CABP7: variants seen among roughly 807,000 people sequenced by gnomAD.
CABP7 encodes the protein calcium binding protein 7.
A neutral mutation model predicts 23.1 loss-of-function variants in CABP7; 13 were observed. That is an observed-to-expected ratio of 0.56 (90% confidence interval 0.37 to 0.90). The LOEUF (loss-of-function observed/expected upper bound fraction) is 0.90, where lower values mean the gene tolerates loss of function less well. Ranked by LOEUF, CABP7 falls within the 40% of genes least tolerant of loss-of-function variation. The pLI, the probability that CABP7 is intolerant of heterozygous loss-of-function variation, is 0.01. For missense variants in CABP7, 248 were observed against 295.6 expected, an observed-to-expected ratio of 0.84 and a Z score of 1.18; for synonymous variants, 123 against 115.3, an observed-to-expected ratio of 1.07 and a Z score of -0.43.
intron 1 of CABP7, among the ~76,000 whole-genome samples, chr22:29,721,515 A>T (rs915896850): frequency 6.6e-6 from 1 of 152,014 alleles, no homozygotes; most frequent in Non-Finnish European, 1.5e-5. Flanking sequence ...GAGCTCACCC[A>T]GAGGATGGGC....
intron 1 of CABP7, among the ~76,000 whole-genome samples, chr22:29,721,613 G>A (rs1341765108): frequency 6.6e-6 from 1 of 152,180 alleles, no homozygotes; most frequent in Non-Finnish European, 1.5e-5. Context: ...GCACAGTCAG[G>A]GAGGATGGTG....
rs139894139 is a variant in CABP7, at chr22:29,729,043, CCCCT to C, written c.367-9_367-6del. ...GTGGCTCTCAGAGCACCGTGTTGTC[CCCCT>C]CCGCAAGTGCGACATGCAGAAGCTG... is the stretch of plus-strand genomic sequence containing the variant. On this transcript the variant is annotated splice_region_variant and splice_polypyrimidine_tract_variant and intron_variant, in intron 3 of 4. Coordinates refer to ENST00000216144, the MANE Select transcript of CABP7 (RefSeq NM_182527.3). The C allele has an allele frequency of 2.8e-3, 4,567 of 1,608,850 alleles. 112 individuals are homozygous for C. The African/African-American group carries it at 0.056, about 20-fold the overall frequency.
At chr22:29,721,851 A>G (rs981812140) in intron 1 of CABP7, among the ~76,000 whole-genome samples, 2 of 152,126 alleles carry the variant, frequency 1.3e-5, no homozygotes, top group Non-Finnish European at 2.9e-5. Context: ...TCTGATGCGG[A>G]CAGGACAGAT....
At chr22:29,724,094 G>A (rs958022328) in intron 1 of CABP7, among the ~76,000 whole-genome samples, 71 of 152,324 alleles carry the variant, frequency 4.7e-4, no homozygotes, top group African/African-American at 1.7e-3. Flanking sequence ...CAAGGCTTTC[G>A]GGGAAATGCA....
rs1009724743 is a variant in CABP7 at position 29,729,264 on chromosome 22, C to T, written c.520+56C>T. On this transcript the variant is annotated intron_variant, in intron 4 of 4. Coordinates refer to ENST00000216144, the MANE Select transcript of CABP7 (RefSeq NM_182527.3). The stretch of plus-strand genomic sequence containing the variant: ...GGGCCCAGTGACTTGGCCAGGGGGA[C>T]GCACGGGGTGGGGAGAGTCTGCAGA... 16 of 1,575,804 alleles carry T rather than the reference C, an allele frequency of 1.0e-5. No homozygotes were observed. In the Admixed American group the frequency reaches 1.1e-4, roughly 11 times the overall value.
intron 1 of CABP7, among the ~76,000 whole-genome samples, chr22:29,722,752 C>G (rs2067770244): frequency 6.6e-6 from 1 of 152,260 alleles, no homozygotes; most frequent in Admixed American, 6.5e-5. Flanking sequence ...GCGGTCTGGG[C>G]GAGACCCAGG....
rs1015117116 is a variant in CABP7, at chr22:29,731,091, C to G, written c.*1522C>G. The G allele has an allele frequency of 3.6e-5, 36 of 992,876 alleles. No homozygotes were observed. The highest frequency in any genetic ancestry group is 6.8e-5 in the African/African-American group (4 of 59,128). 61.5% of individuals were successfully genotyped at this position (992,876 alleles called of 1,614,324 possible). On this transcript the variant is annotated 3_prime_UTR_variant, in exon 5 of 5. Coordinates refer to ENST00000216144, the MANE Select transcript of CABP7 (RefSeq NM_182527.3). Reference sequence around the variant, plus strand: ...AGGACGAGGGCTGCACTTGGTGTGGCCGTGTCCTGAGCCTCAGTGAGGCTG... The same window carrying G: ...AGGACGAGGGCTGCACTTGGTGTGGGCGTGTCCTGAGCCTCAGTGAGGCTG...
At position 29,729,194 on chromosome 22, in the gene CABP7, C is replaced by T. The variant is rs764090242; in HGVS notation, c.506C>T (p.Pro169Leu). 6.2e-6 allele frequency: 10 copies of T among 1,608,204 alleles called. No individual in the cohort carries two copies. The highest frequency in any genetic ancestry group is 3.4e-5 in the Admixed American group (2 of 59,490). Residue 169 changes from proline (P) to leucine (L), a missense_variant, in exon 4 of 5, where the codon CCC (proline) becomes CTC (leucine). Coordinates refer to ENST00000216144, the MANE Select transcript of CABP7 (RefSeq NM_182527.3). ...ESHLGTAEEC[P>L]VDVETCSNQQ... Reference sequence around the variant, plus strand: ...CACCTGGGCACAGCCGAGGAGTGTCCCGTGGATGTGGAGAGTGAGTGGCTG... The same window carrying T: ...CACCTGGGCACAGCCGAGGAGTGTCTCGTGGATGTGGAGAGTGAGTGGCTG...
intron 1 of CABP7, among the ~76,000 whole-genome samples, chr22:29,725,787 G>A (rs1466506047): frequency 6.6e-6 from 1 of 152,200 alleles, no homozygotes; most frequent in Non-Finnish European, 1.5e-5. Flanking sequence ...AGGACCGAGA[G>A]GGCCCCTAGC....
Position 29,720,923 on chromosome 22 carries a change from C to G in CABP7, c.109+390C>G, listed in dbSNP as rs944215556. 2.0e-5 allele frequency among the ~76,000 whole-genome samples: 3 copies of G among 151,928 alleles called. No individual in the cohort carries two copies. The highest frequency in any genetic ancestry group is 4.4e-5 in the Non-Finnish European group (3 of 67,926). Reference sequence around the variant, plus strand: ...CGCATCCTGATCCCCTCCGCGGCGCCCGCCCGCGGCTCTCTGCTCGCATTG... The same window carrying G: ...CGCATCCTGATCCCCTCCGCGGCGCGCGCCCGCGGCTCTCTGCTCGCATTG... On this transcript the variant is annotated intron_variant, in intron 1 of 4. Transcript: ENST00000216144. The surrounding 1 kb of genome is among the most constrained non-coding windows in gnomAD (Gnocchi z 5.2).
chr22:29,721,230 G>A (rs1010701014), intron 1 of CABP7, among the ~76,000 whole-genome samples: 1 of 152,170 alleles, frequency 6.6e-6, no homozygotes, highest in Non-Finnish European at 1.5e-5. Context: ...CCCCCACCCC[G>A]TTCCCCCTGC....
Position 29,720,429 on chromosome 22 carries a change from C to A in CABP7, c.5C>A (p.Pro2Gln). 1 of 1,532,812 alleles carries A rather than the reference C, an allele frequency of 6.5e-7. No homozygotes were observed. Among genetic ancestry groups the A allele is most frequent in the South Asian group, 1.2e-5 (1 of 83,728 alleles). 95.0% of individuals were successfully genotyped at this position (1,532,812 alleles called of 1,614,324 possible). ...GGCGGGCGCGGAGCCTCCAAGATGC[C>A]GTTCCACCCGGTGACGGCGGCGTTG... M[P>Q]FHPVTAALMY... Residue 2 changes from proline (P) to glutamine (Q), a missense_variant, in exon 1 of 5, where the codon CCG becomes CAG. By Grantham distance (76) the Pro-to-Gln change is moderately conservative. Coordinates refer to ENST00000216144, the MANE Select transcript of CABP7 (RefSeq NM_182527.3). This position sits in a 1 kb window ranked among gnomAD's most constrained non-coding sequence, Gnocchi z 5.2.
At position 29,720,629 on chromosome 22, in the gene CABP7, G is replaced by T; in HGVS notation, c.109+96G>T. The T allele has an allele frequency of 1.5e-6, 1 of 662,834 alleles. No individual in the cohort carries two copies. Among genetic ancestry groups the T allele is most frequent in the East Asian group, 3.7e-5 (1 of 26,820 alleles). 41.1% of individuals were successfully genotyped at this position (662,834 alleles called of 1,614,324 possible). A position where few individuals can be genotyped will look rare whatever the true frequency, so the allele number is the denominator to read the frequency against. On this transcript the variant is annotated intron_variant, in intron 1 of 4. Coordinates refer to ENST00000216144, the MANE Select transcript of CABP7 (RefSeq NM_182527.3). The surrounding 1 kb of genome is among the most constrained non-coding windows in gnomAD (Gnocchi z 5.2). ...GGCGCGGGGGCGGGGGGCGGGGGGC[G>T]GTCCGCAGGTGCCGGTTGCCAGGTG...
chr22:29,726,992 G>A (rs2067799553), intron 1 of CABP7, among the ~76,000 whole-genome samples: 1 of 152,100 alleles, frequency 6.6e-6, no homozygotes, highest in Non-Finnish European at 1.5e-5. Context: ...GCAGTGCATT[G>A]CTCACCACCT....
rs1292896323 is a variant in CABP7 at position 29,729,647 on chromosome 22, C to T, written c.*78C>T. ...ACCACCGCCGCCTGCAGACCTCTCCCTTGGCCGGCTCCCTGGGCCGCCATC... is the reference window on the plus strand; with the variant it reads ...ACCACCGCCGCCTGCAGACCTCTCCTTTGGCCGGCTCCCTGGGCCGCCATC... On this transcript the variant is annotated 3_prime_UTR_variant, in exon 5 of 5. Coordinates refer to ENST00000216144, the MANE Select transcript of CABP7 (RefSeq NM_182527.3). The T allele has an allele frequency of 5.1e-6, 8 of 1,559,874 alleles. No homozygotes were observed. In the Admixed American group the frequency reaches 1.2e-4, roughly 24 times the overall value.
Position 29,731,193 on chromosome 22 carries a change from G to T in CABP7, c.*1624G>T. The T allele has an allele frequency of 1.4e-6, 2 of 1,464,340 alleles. No individual in the cohort carries two copies. Among genetic ancestry groups the T allele is most frequent in the South Asian group, 3.0e-5 (2 of 66,024 alleles). 90.7% of individuals were successfully genotyped at this position (1,464,340 alleles called of 1,614,324 possible). On this transcript the variant is annotated 3_prime_UTR_variant, in exon 5 of 5. Transcript: ENST00000216144. The stretch of plus-strand genomic sequence containing the variant: ...TCCTATTGTGACTGATGAGAAAAGT[G>T]ACCACGTGGGGGTCAGTCGGGGGCA...
Position 29,720,018 on chromosome 22 carries a change from G to T in CABP7, c.-407G>T. On this transcript the variant is annotated 5_prime_UTR_variant, in exon 1 of 5. Transcript: ENST00000216144. The surrounding 1 kb of genome is among the most constrained non-coding windows in gnomAD (Gnocchi z 5.2). The stretch of plus-strand genomic sequence containing the variant: ...CCAGCGCGGCACAGAACGAGCGAGC[G>T]AGCGAGCGGAGAGGCGGCTACAGCC... 3 of 150,014 alleles carry T rather than the reference G, an allele frequency of 2.0e-5. No homozygotes were observed. The South Asian group carries it at 5.5e-4, about 28-fold the overall frequency. The allele number at this position is 150,014 out of a possible 1,614,324, so 9.3% of individuals were successfully genotyped here. A position where few individuals can be genotyped will look rare whatever the true frequency, so the allele number is the denominator to read the frequency against.
Position 29,726,865 on chromosome 22 carries a change from G to A in CABP7, c.110-797G>A, listed in dbSNP as rs148834443. 8.1e-4 allele frequency among the ~76,000 whole-genome samples: 124 copies of A among 152,328 alleles called. No individual in the cohort carries two copies. In the East Asian group the frequency reaches 0.017, roughly 21 times the overall value. The stretch of plus-strand genomic sequence containing the variant: ...CAGTACAGCTAAGGTGACAGGTGAG[G>A]ACCCCCTCAACTGTGTGCCAGGGAG... On this transcript the variant is annotated intron_variant, in intron 1 of 4. Coordinates refer to ENST00000216144, the MANE Select transcript of CABP7 (RefSeq NM_182527.3).
At position 29,727,568 on chromosome 22, in the gene CABP7, T is replaced by G. The variant is rs1305284944; in HGVS notation, c.110-94T>G. 40 of 1,519,258 alleles carry G rather than the reference T, an allele frequency of 2.6e-5. No individual in the cohort carries two copies. The highest frequency in any genetic ancestry group is 3.4e-5 in the Non-Finnish European group (38 of 1,103,152). The allele number at this position is 1,519,258 out of a possible 1,614,324, so 94.1% of individuals were successfully genotyped here. ...GCTCTGGGTTGGGCTCTCAAGGCCA[T>G]GCTCAGGCTGCAGGGTCGGTGATCC... On this transcript the variant is annotated intron_variant, in intron 1 of 4. Transcript: ENST00000216144. The surrounding 1 kb of genome is among the most constrained non-coding windows in gnomAD (Gnocchi z 4.2).
Sources: allele counts gnomAD v4.1 joint callset (sites outside exome capture counted in the v4.1 genomes callset), GRCh38; gene constraint gnomAD v4.1.1; non-coding constraint Gnocchi (gnomAD v3.1); transcripts MANE v1.5; gene names NCBI Gene and HGNC (gene_info 2026-07-23, HGNC 2026-07-21).